The following UBE2E2 variants were observed in gnomAD, a reference collection of about 807,000 sequenced individuals.
UBE2E2 encodes ubiquitin-conjugating enzyme E2 E2.
In UBE2E2, 6 loss-of-function variants were observed where a neutral mutation model predicts 24.7. That is an observed-to-expected ratio of 0.24 (90% CI 0.13 to 0.48). The LOEUF is 0.48. UBE2E2 is among the 20% of genes least tolerant of loss of function. The probability of loss-of-function intolerance (pLI) is 0.99; values close to 1 mark genes in which losing one functional copy is unlikely to be tolerated. For missense variants in UBE2E2, 169 were observed against 245.0 expected, an observed-to-expected ratio of 0.69 and a Z score of 2.07; for synonymous variants, 104 against 83.6, an observed-to-expected ratio of 1.24 and a Z score of -1.33.
At chr3:23,383,228 T>C (rs1175768681) in intron 3 of UBE2E2, among the ~76,000 whole-genome samples, 1 of 152,158 alleles carries the variant, frequency 6.6e-6, no homozygotes, top group Non-Finnish European at 1.5e-5. Flanking sequence ...TTTTCTTTTT[T>C]GAAGTATATT....
intron 4 of UBE2E2, among the ~76,000 whole-genome samples, chr3:23,514,227 C>G (rs1042947022): frequency 1.3e-5 from 2 of 152,192 alleles, no homozygotes; most frequent in Non-Finnish European, 2.9e-5. Flanking sequence ...CTGAGAGGTA[C>G]ATTTTCTGAC....
intron 3 of UBE2E2, among the ~76,000 whole-genome samples, chr3:23,413,087 C>T (rs987486524): frequency 6.6e-6 from 1 of 151,384 alleles, no homozygotes; most frequent in African/African-American, 2.4e-5. Flanking sequence ...AGGAGATATA[C>T]CTAATGCTAA....
chr3:23,238,622 A>G (rs1056655266), intron 3 of UBE2E2, among the ~76,000 whole-genome samples: 3 of 152,200 alleles, frequency 2.0e-5, no homozygotes, highest in African/African-American at 7.2e-5. Context: ...GCTTGGGACC[A>G]AAAGCCTTTT....
chr3:23,479,934 C>T (rs776087100), intron 3 of UBE2E2, among the ~76,000 whole-genome samples: 22 of 152,130 alleles, frequency 1.4e-4, no homozygotes, highest in Admixed American at 3.3e-4. Context: ...ATCTGGTTGG[C>T]CAGGTGGTCA....
intron 5 of UBE2E2, among the ~76,000 whole-genome samples, chr3:23,568,200 G>A (rs1310512383): frequency 2.0e-5 from 3 of 152,136 alleles, no homozygotes; most frequent in Admixed American, 1.3e-4. Context: ...GGAGACCACG[G>A]ATACGTAACA....
chr3:23,446,577 T>C (rs1451100413), intron 3 of UBE2E2, among the ~76,000 whole-genome samples: 1 of 152,094 alleles, frequency 6.6e-6, no homozygotes, highest in Non-Finnish European at 1.5e-5. Flanking sequence ...TGATAGGGAC[T>C]GAGAAGAAAG....
At chr3:23,346,253 C>A (rs890947787) in intron 3 of UBE2E2, among the ~76,000 whole-genome samples, 5 of 152,080 alleles carry the variant, frequency 3.3e-5, no homozygotes, top group Non-Finnish European at 5.9e-5. Flanking sequence ...AAATACTGAG[C>A]CATATGAAAA....
chr3:23,510,569 T>C (rs1247520961), intron 4 of UBE2E2, among the ~76,000 whole-genome samples: 5 of 151,708 alleles, frequency 3.3e-5, no homozygotes, highest in Admixed American at 6.6e-5. Context: ...ATCATGCCAC[T>C]GCACTCCAGC....
At chr3:23,378,868 C>T (rs1459616614) in intron 3 of UBE2E2, among the ~76,000 whole-genome samples, 2 of 152,086 alleles carry the variant, frequency 1.3e-5, no homozygotes, top group African/African-American at 4.8e-5. Flanking sequence ...TTTGGCCTAC[C>T]TAATTTTTAC....
chr3:23,526,373 CT>C (rs1235098815), intron 4 of UBE2E2, among the ~76,000 whole-genome samples: 1 of 152,108 alleles, frequency 6.6e-6, no homozygotes, highest in Non-Finnish European at 1.5e-5. Context: ...AGCTTTTACT[CT>C]TAAGTTATGG....
At chr3:23,567,987 A>C (rs1696116672) in intron 5 of UBE2E2, among the ~76,000 whole-genome samples, 1 of 152,156 alleles carries the variant, frequency 6.6e-6, no homozygotes, top group Non-Finnish European at 1.5e-5. Context: ...CTCACAGGAG[A>C]GAACAAGAGC....
intron 5 of UBE2E2, among the ~76,000 whole-genome samples, chr3:23,570,210 A>G (rs1231975732): frequency 6.6e-6 from 1 of 152,200 alleles, no homozygotes; most frequent in East Asian, 1.9e-4. Context: ...AATAAGTGAG[A>G]ACAGTGTCCC....
At chr3:23,584,645 C>T (rs539164722) in intron 5 of UBE2E2, among the ~76,000 whole-genome samples, 1 of 152,060 alleles carries the variant, frequency 6.6e-6, no homozygotes, top group East Asian at 1.9e-4. Flanking sequence ...TCACGACCCC[C>T]TGGGCTCCAG....
intron 3 of UBE2E2, among the ~76,000 whole-genome samples, chr3:23,305,101 T>G (rs1385217939): frequency 1.3e-5 from 2 of 152,300 alleles, no homozygotes; most frequent in African/African-American, 2.4e-5. Context: ...TTTCCAAAAT[T>G]CTGGTTTTTG....
chr3:23,280,997 T>C lies in UBE2E2; in HGVS notation c.227+63685T>C, dbSNP rs1362777846. Among the ~76,000 whole-genome samples, 1 of 152,236 alleles carries C rather than the reference T, an allele frequency of 6.6e-6. No individual in the cohort carries two copies. The highest frequency in any genetic ancestry group is 1.9e-4 in the East Asian group (1 of 5,200). Reference sequence around the variant, plus strand: ...TAGTTTGCAGACAGTCTTCTCATTGTATCCTCACTTGCTGGAGAAAGAAAG... The same window carrying C: ...TAGTTTGCAGACAGTCTTCTCATTGCATCCTCACTTGCTGGAGAAAGAAAG... On this transcript the variant is annotated intron_variant, in intron 3 of 5. Transcript: ENST00000396703. This position sits in a 1 kb window ranked among gnomAD's most constrained non-coding sequence, Gnocchi z 4.3.
chr3:23,558,377 C>T (rs1314083810), intron 5 of UBE2E2, among the ~76,000 whole-genome samples: 2 of 152,118 alleles, frequency 1.3e-5, no homozygotes, highest in Non-Finnish European at 1.5e-5. Flanking sequence ...TACACCTGGG[C>T]AAACATAGAT....
intron 3 of UBE2E2, among the ~76,000 whole-genome samples, chr3:23,291,353 T>C (rs993749349): frequency 6.6e-6 from 1 of 152,168 alleles, no homozygotes; most frequent in African/African-American, 2.4e-5. Flanking sequence ...AAAACTATTG[T>C]AGTGATAACA....
At chr3:23,455,377 G>A (rs1698655948) in intron 3 of UBE2E2, among the ~76,000 whole-genome samples, 1 of 152,158 alleles carries the variant, frequency 6.6e-6, no homozygotes, top group South Asian at 2.1e-4. Flanking sequence ...AATTAAGTGT[G>A]CAGTGACTTT....
At position 23,246,120 on chromosome 3, in the gene UBE2E2, C is replaced by T. The variant is rs564093633; in HGVS notation, c.227+28808C>T. Among the ~76,000 whole-genome samples, 14 of 152,234 alleles carry T rather than the reference C, an allele frequency of 9.2e-5. No individual in the cohort carries two copies. The South Asian group carries it at 2.9e-3, about 32-fold the overall frequency. On this transcript the variant is annotated intron_variant, in intron 3 of 5. Transcript: ENST00000396703. Reference sequence around the variant, plus strand: ...CATGCAGTGGTGTGATCATGGCTCGCCGAAGCCTCCACATCCTGGGCTCAA... The same window carrying T: ...CATGCAGTGGTGTGATCATGGCTCGTCGAAGCCTCCACATCCTGGGCTCAA...
Sources: gnomAD v4.1 joint callset for allele counts (sites outside exome capture counted in the v4.1 genomes callset) on GRCh38, gnomAD v4.1.1 for gene constraint, Gnocchi (gnomAD v3.1) non-coding constraint, MANE v1.5 for transcripts, NCBI Gene and HGNC (gene_info 2026-07-23, HGNC 2026-07-21) for gene names.